Variants in ADCY9 observed in about 807,000 individuals in gnomAD.
ADCY9 encodes the protein adenylate cyclase type 9.
ADCY9 carries 50 observed loss-of-function variants against 101.5 expected under a neutral mutation model. The ratio of observed to expected loss-of-function variants is 0.49; its 90% confidence interval spans 0.39 to 0.62. The LOEUF (loss-of-function observed/expected upper bound fraction) is 0.62, where lower values mean the gene tolerates loss of function less well. Ranked by LOEUF, ADCY9 falls within the 20% of genes least tolerant of loss-of-function variation. The pLI, the probability that ADCY9 is intolerant of heterozygous loss-of-function variation, is 0.00. For synonymous variants in ADCY9, 905 were observed against 769.3 expected (o/e 1.18, Z -2.92); for missense variants, 1,662 against 1,800.4 (o/e 0.92, Z 1.39).
chr16:4,082,672 AC>A (rs2056911426), intron 2 of ADCY9, among the ~76,000 whole-genome samples: 1 of 150,008 alleles, frequency 6.7e-6, no homozygotes, highest in African/African-American at 2.5e-5. Flanking sequence ...ACACCCATGC[AC>A]ACCCATGCAT....
intron 2 of ADCY9, among the ~76,000 whole-genome samples, chr16:4,099,138 G>A (rs1427967638): frequency 6.6e-6 from 1 of 151,958 alleles, no homozygotes; most frequent in Non-Finnish European, 1.5e-5. Flanking sequence ...TCCCCATGTT[G>A]GCCAGGCTGG....
At chr16:3,980,191 T>C (rs957117905) in intron 7 of ADCY9, among the ~76,000 whole-genome samples, 32 of 152,336 alleles carry the variant, frequency 2.1e-4, no homozygotes, top group African/African-American at 7.7e-4. Context: ...TTAAAAGACT[T>C]TGTCCTTCTA....
intron 8 of ADCY9, among the ~76,000 whole-genome samples, chr16:3,977,993 C>A (rs2056107414): frequency 6.6e-6 from 1 of 152,174 alleles, no homozygotes; most frequent in African/African-American, 2.4e-5. Context: ...CCTGGGATTA[C>A]AGGTATGAGC....
At chr16:4,109,968 C>A (rs1325408730) in intron 2 of ADCY9, among the ~76,000 whole-genome samples, 1 of 152,294 alleles carries the variant, frequency 6.6e-6, no homozygotes, top group East Asian at 1.9e-4. Context: ...TCGTCCGCCC[C>A]CACAGAGAAG....
chr16:4,036,258 C>T (rs1045363471), intron 2 of ADCY9, among the ~76,000 whole-genome samples: 1 of 151,740 alleles, frequency 6.6e-6, no homozygotes, highest in African/African-American at 2.4e-5. Context: ...TTTCAGAACT[C>T]ACACACACAC....
chr16:4,068,501 C>G (rs559712260), intron 2 of ADCY9, among the ~76,000 whole-genome samples: 12 of 152,128 alleles, frequency 7.9e-5, no homozygotes, highest in African/African-American at 2.9e-4. Flanking sequence ...ACATATGGTA[C>G]AGTTGCTTGC....
intron 2 of ADCY9, among the ~76,000 whole-genome samples, chr16:4,095,193 G>T (rs964969267): frequency 6.7e-5 from 2 of 29,896 alleles, no homozygotes; most frequent in African/African-American, 1.8e-4. Flanking sequence ...GTAGAGACAG[G>T]GTTTCGGACG....
intron 2 of ADCY9, among the ~76,000 whole-genome samples, chr16:4,060,695 A>G (rs903194426): frequency 6.6e-5 from 10 of 152,350 alleles, no homozygotes; most frequent in African/African-American, 1.9e-4. Flanking sequence ...GAATTAATCC[A>G]GGCAAGTCAC....
rs2056253139 is a variant in ADCY9, at chr16:3,992,493, G to A, written c.1990-130C>T. The stretch of plus-strand genomic sequence containing the variant: ...CTGGGCGTGGGACTTTCTGACCTGC[G>A]AGGAACCCCCACCCCCCTGCGCCTA... On this transcript the variant is annotated intron_variant, in intron 4 of 10. Transcript: ENST00000294016. This position sits in a 1 kb window ranked among gnomAD's most constrained non-coding sequence, Gnocchi z 4.2. The A allele has an allele frequency of 6.3e-6, 5 of 794,024 alleles. No homozygotes were observed. The highest frequency in any genetic ancestry group is 5.4e-5 in the East Asian group (2 of 37,312). 49.2% of individuals were successfully genotyped at this position (794,024 alleles called of 1,614,324 possible). A position where few individuals can be genotyped will look rare whatever the true frequency, so the allele number is the denominator to read the frequency against.
intron 2 of ADCY9, among the ~76,000 whole-genome samples, chr16:4,088,434 G>A (rs1469416358): frequency 6.6e-6 from 1 of 152,124 alleles, no homozygotes; most frequent in East Asian, 1.9e-4. Flanking sequence ...TGGGACTACA[G>A]GCACGTGCCA....
intron 10 of ADCY9, among the ~76,000 whole-genome samples, chr16:3,968,672 T>C (rs960806163): frequency 2.0e-5 from 3 of 152,160 alleles, no homozygotes; most frequent in African/African-American, 7.2e-5. Context: ...TTCCCCCTGA[T>C]GGAACTGGGC....
intron 2 of ADCY9, among the ~76,000 whole-genome samples, chr16:4,014,367 T>G (rs111590482): frequency 4.7e-5 from 7 of 149,166 alleles, no homozygotes; most frequent in Non-Finnish European, 7.4e-5. Context: ...AAATATGAGA[T>G]GGATTTATGG....
At chr16:4,012,555 C>T (rs2056411235) in intron 2 of ADCY9, among the ~76,000 whole-genome samples, 1 of 151,032 alleles carries the variant, frequency 6.6e-6, no homozygotes, top group Non-Finnish European at 1.5e-5. Context: ...TATATTCTTT[C>T]CTGGTTATCC....
chr16:4,110,508 G>A (rs1288476359), intron 2 of ADCY9, among the ~76,000 whole-genome samples: 2 of 148,304 alleles, frequency 1.3e-5, no homozygotes, highest in African/African-American at 5.0e-5. Context: ...TTCTGCCTCA[G>A]CCTCCCGAGC....
chr16:4,072,238 G>C (rs1284036583), intron 2 of ADCY9, among the ~76,000 whole-genome samples: 1 of 152,212 alleles, frequency 6.6e-6, no homozygotes, highest in Non-Finnish European at 1.5e-5. Flanking sequence ...GAGATTACAA[G>C]AGCTGGATTA....
intron 3 of ADCY9, 69 bp from the exon 4 acceptor site, chr16:3,993,579 T>C: frequency 6.3e-7 from 1 of 1,582,536 alleles, no homozygotes; most frequent in Admixed American, 1.7e-5. Flanking sequence ...TTCAGGCAGG[T>C]CCGCTGTTGC....
At chr16:4,100,754 A>AG (rs1555446545) in intron 2 of ADCY9, among the ~76,000 whole-genome samples, 1 of 151,664 alleles carries the variant, frequency 6.6e-6, no homozygotes, top group Non-Finnish European at 1.5e-5. Flanking sequence ...AAAAAAAAAA[A>AG]AAAAGAAAAG....
chr16:4,112,720 A>T (rs748362448), intron 2 of ADCY9, among the ~76,000 whole-genome samples: 10 of 152,136 alleles, frequency 6.6e-5, no homozygotes, highest in South Asian at 4.1e-4. Context: ...GCAGGCTTTT[A>T]AAAAAAATCA....
chr16:3,999,306 C>G (rs1828956807), intron 3 of ADCY9, among the ~76,000 whole-genome samples: 1 of 152,192 alleles, frequency 6.6e-6, no homozygotes, highest in African/African-American at 2.4e-5. Flanking sequence ...AAGATCCTAC[C>G]CGTGAACAAG....
Sources: allele counts gnomAD v4.1 joint callset (sites outside exome capture counted in the v4.1 genomes callset), GRCh38; gene constraint gnomAD v4.1.1; non-coding constraint Gnocchi (gnomAD v3.1); transcripts MANE v1.5; gene names NCBI Gene and HGNC (gene_info 2026-07-23, HGNC 2026-07-21).